ADAM29: variants seen among roughly 807,000 people sequenced by gnomAD.
ADAM29 encodes the protein disintegrin and metalloproteinase domain-containing protein 29.
For missense variants in ADAM29, 969 were observed against 1,001.8 expected (o/e 0.97, Z 0.44); for synonymous variants, 367 against 342.3 (o/e 1.07, Z -0.80).
chr4:174,960,317 C>G (rs1745736744), intron 4 of ADAM29, among the ~76,000 whole-genome samples: 2 of 151,732 alleles, frequency 1.3e-5, no homozygotes, highest in Non-Finnish European at 2.9e-5. Flanking sequence ...CTTTGTGATT[C>G]TTCCTATCAT....
intron 4 of ADAM29, among the ~76,000 whole-genome samples, chr4:174,953,712 T>A (rs1202456332): frequency 3.9e-5 from 6 of 152,290 alleles, no homozygotes; most frequent in East Asian, 1.9e-4. Flanking sequence ...TGCTTTTTTT[T>A]ATTATTATTT....
chr4:174,966,277 A>G (rs1045397126), intron 4 of ADAM29, among the ~76,000 whole-genome samples: 3 of 152,218 alleles, frequency 2.0e-5, no homozygotes, highest in African/African-American at 4.8e-5. Flanking sequence ...CAGATACAGA[A>G]GGCTGACTAT....
At chr4:174,928,920 C>T (rs889103806) in intron 2 of ADAM29, among the ~76,000 whole-genome samples, 1 of 152,142 alleles carries the variant, frequency 6.6e-6, no homozygotes. Context: ...CATCTCTAAG[C>T]TGCAGCGAAA....
intron 3 of ADAM29, among the ~76,000 whole-genome samples, chr4:174,934,383 T>C (rs2110944997): frequency 6.6e-6 from 1 of 152,250 alleles, no homozygotes; most frequent in Admixed American, 6.6e-5. Context: ...AATTTCAGTA[T>C]CAGAAATCTC....
chr4:174,975,407 A>G lies in ADAM29; in HGVS notation c.-119A>G. On this transcript the variant is annotated 5_prime_UTR_variant, in exon 5 of 5. Transcript: ENST00000359240. ...GGATCTTTAATGATTAGCACTACAC[A>G]CTGACCAACTCAGAAGAAGGAGCCA... is the stretch of plus-strand genomic sequence containing the variant. The G allele has an allele frequency of 1.0e-6, 1 of 991,714 alleles. No individual in the cohort carries two copies. Among genetic ancestry groups the G allele is most frequent in the Non-Finnish European group, 1.4e-6 (1 of 703,166 alleles). 61.4% of individuals were successfully genotyped at this position (991,714 alleles called of 1,614,324 possible).
At chr4:174,969,425 C>CT (rs935400059) in intron 4 of ADAM29, among the ~76,000 whole-genome samples, 1 of 151,686 alleles carries the variant, frequency 6.6e-6, no homozygotes, top group Admixed American at 6.6e-5. Flanking sequence ...TAAAAAATAT[C>CT]TTTTTTTCTG....
intron 3 of ADAM29, among the ~76,000 whole-genome samples, chr4:174,934,575 A>G (rs1477811316): frequency 6.6e-6 from 1 of 152,190 alleles, no homozygotes; most frequent in Non-Finnish European, 1.5e-5. Context: ...TTAATTTTCT[A>G]TAACCAAAAC....
At chr4:174,923,211 C>T (rs2110894794) in intron 2 of ADAM29, among the ~76,000 whole-genome samples, 1 of 151,990 alleles carries the variant, frequency 6.6e-6, no homozygotes, top group Admixed American at 6.6e-5. Context: ...TCTGCGCCAC[C>T]ACACCTGGCT....
chr4:174,920,478 C>G (rs1198496716), intron 1 of ADAM29, among the ~76,000 whole-genome samples: 1 of 152,048 alleles, frequency 6.6e-6, no homozygotes, highest in Non-Finnish European at 1.5e-5. Context: ...TCCTGAATAT[C>G]TAGTAAATTT....
intron 4 of ADAM29, among the ~76,000 whole-genome samples, chr4:174,949,492 T>C (rs1444541841): frequency 6.6e-6 from 1 of 152,046 alleles, no homozygotes; most frequent in African/African-American, 2.4e-5. Context: ...ACTCCTCACC[T>C]GTGTGAATTA....
intron 4 of ADAM29, among the ~76,000 whole-genome samples, chr4:174,970,054 C>T (rs1157031405): frequency 1.3e-5 from 2 of 151,698 alleles, no homozygotes; most frequent in African/African-American, 4.8e-5. Context: ...ATTACAACAC[C>T]TTGATAGGTA....
At chr4:174,974,161 CAT>C (rs1463644509) in intron 4 of ADAM29, among the ~76,000 whole-genome samples, 16 of 152,218 alleles carry the variant, frequency 1.1e-4, no homozygotes, top group South Asian at 2.1e-4. Context: ...TCAACACACA[CAT>C]GTGTCCTGAC....
At chr4:174,963,062 T>A (rs1287002019) in intron 4 of ADAM29, among the ~76,000 whole-genome samples, 1 of 152,144 alleles carries the variant, frequency 6.6e-6, no homozygotes, top group Non-Finnish European at 1.5e-5. Flanking sequence ...ATCTATGAGG[T>A]AGTCTCATTA....
At chr4:174,923,006 A>C (rs1743254051) in intron 2 of ADAM29, among the ~76,000 whole-genome samples, 1 of 152,128 alleles carries the variant, frequency 6.6e-6, no homozygotes, top group Non-Finnish European at 1.5e-5. Flanking sequence ...GTTAGGAGTT[A>C]AAGTTACTCA....
Position 174,975,987 on chromosome 4 carries a change from T to A in ADAM29, c.462T>A (p.Ser154Arg), listed in dbSNP as rs1415788865. The change falls in exon 5 of 5, where the codon AGT becomes AGA. Residue 154 changes from serine (S) to arginine (R), a missense_variant. Ser to Arg is a moderately radical substitution (Grantham distance 110, BLOSUM62 -1). Transcript: ENST00000359240. ...TFEHLVYKMD[S>R]EEKQFSTMRS... ...AACATCTGGTATACAAGATGGACAG[T>A]GAGGAGAAACAATTTTCAACCATGA... 8 of 1,613,816 alleles carry A rather than the reference T, an allele frequency of 5.0e-6. No individual in the cohort carries two copies. The highest frequency in any genetic ancestry group is 6.8e-6 in the Non-Finnish European group (8 of 1,180,006).
intron 2 of ADAM29, among the ~76,000 whole-genome samples, chr4:174,921,014 C>A (rs1743130276): frequency 6.6e-6 from 1 of 152,144 alleles, no homozygotes; most frequent in African/African-American, 2.4e-5. Context: ...ACCCACAACA[C>A]TCAGAGACTA....
chr4:174,942,531 G>T (rs555407934), intron 4 of ADAM29, among the ~76,000 whole-genome samples: 85 of 152,244 alleles, frequency 5.6e-4, no homozygotes, highest in African/African-American at 2.0e-3. Flanking sequence ...GCAATGGTCA[G>T]AGCTGTATCT....
intron 4 of ADAM29, among the ~76,000 whole-genome samples, chr4:174,950,473 G>A (rs184458814): frequency 2.1e-3 from 323 of 152,248 alleles, no homozygotes; most frequent in African/African-American, 7.6e-3. Context: ...CTGGACATAA[G>A]TAAATTCATT....
chr4:174,924,962 G>A (rs1743414891), intron 2 of ADAM29, among the ~76,000 whole-genome samples: 2 of 152,192 alleles, frequency 1.3e-5, no homozygotes, highest in African/African-American at 2.4e-5. Flanking sequence ...AAGGAATGTC[G>A]ATAGCAGTTG....
Sources: gnomAD v4.1 joint callset for allele counts (sites outside exome capture counted in the v4.1 genomes callset) on GRCh38, gnomAD v4.1.1 for gene constraint, MANE v1.5 for transcripts, NCBI Gene and HGNC (gene_info 2026-07-23, HGNC 2026-07-21) for gene names.